The following MAK variants were observed in gnomAD, a reference collection of about 807,000 sequenced individuals.
MAK encodes male germ cell associated kinase.
In MAK, 65 loss-of-function variants were observed where a neutral mutation model predicts 82.6. That is an observed-to-expected ratio of 0.79 (90% CI 0.64 to 0.97). The LOEUF (loss-of-function observed/expected upper bound fraction) is 0.97. Among genes scored for constraint, MAK ranks in the 50% least tolerant of loss-of-function variants. The probability of loss-of-function intolerance (pLI) is 0.00; values close to 1 mark genes in which losing one functional copy is unlikely to be tolerated. For synonymous variants in MAK, 250 were observed against 274.2 expected, an observed-to-expected ratio of 0.91 and a Z score of 0.87; for missense variants, 703 against 780.2, an observed-to-expected ratio of 0.90 and a Z score of 1.18.
At chr6:10,807,347 T>C (rs1024810398) in intron 6 of MAK, among the ~76,000 whole-genome samples, 2 of 143,700 alleles carry the variant, frequency 1.4e-5, no homozygotes, top group African/African-American at 5.2e-5. Context: ...TTTTTTTTTT[T>C]TTTTTTTTTT....
At chr6:10,833,627 TA>T (rs1778968594) in intron 1 of MAK, among the ~76,000 whole-genome samples, 1 of 151,128 alleles carries the variant, frequency 6.6e-6, no homozygotes, top group Non-Finnish European at 1.5e-5. Flanking sequence ...ATAATAATAA[TA>T]ATAATAATAA....
chr6:10,783,631 C>T (rs1774213054), intron 11 of MAK, among the ~76,000 whole-genome samples: 1 of 152,218 alleles, frequency 6.6e-6, no homozygotes, highest in Admixed American at 6.5e-5. Context: ...CATTACCCCA[C>T]CCCATCCGGA....
At chr6:10,815,912 G>GTA (rs3064109) in intron 4 of MAK, among the ~76,000 whole-genome samples, 5,015 of 107,594 alleles carry the variant, frequency 0.047, 190 homozygotes, top group African/African-American at 0.071. Context: ...GCTTTATACA[G>GTA]TATATATATA....
rs1360473911 is a variant in MAK, at chr6:10,800,044, T to C, written c.831+1848A>G. 4.2e-5 allele frequency among the ~76,000 whole-genome samples: 6 copies of C among 141,256 alleles called. No homozygotes were observed. In the South Asian group the frequency reaches 9.1e-4, roughly 21 times the overall value. 92.7% of individuals were successfully genotyped at this position (141,256 alleles called of 152,430 possible). On this transcript the variant is annotated intron_variant, in intron 8 of 14. Transcript: ENST00000354489. The surrounding 1 kb of genome is among the most constrained non-coding windows in gnomAD (Gnocchi z 4.2). ...GCCTGGGCGATGGAGCGAGACTCCG[T>C]TTCAAAAACAAAAACAAAAACAAAA...
At chr6:10,775,296 C>G (rs771809146) in intron 12 of MAK, 32 bp downstream of exon 12, 18 of 1,608,574 alleles carry the variant, frequency 1.1e-5, no homozygotes, top group Non-Finnish European at 1.5e-5. Context: ...AAGGAAAACC[C>G]CGTACATGTA....
chr6:10,792,767 C>T (rs759986839), intron 9 of MAK, among the ~76,000 whole-genome samples: 8 of 152,058 alleles, frequency 5.3e-5, no homozygotes, highest in Non-Finnish European at 8.8e-5. Flanking sequence ...TTGAAGCTGA[C>T]GGTATTACAG....
chr6:10,789,994 A>C (rs1774936671), intron 10 of MAK, among the ~76,000 whole-genome samples: 1 of 152,164 alleles, frequency 6.6e-6, no homozygotes, highest in Non-Finnish European at 1.5e-5. Context: ...GGTAAATGAA[A>C]CCATGGAAGG....
intron 3 of MAK, among the ~76,000 whole-genome samples, chr6:10,818,182 A>G (rs952079616): frequency 1.5e-4 from 23 of 152,354 alleles, no homozygotes; most frequent in Middle Eastern, 3.4e-3. Context: ...GCTATTAAAC[A>G]TTTCAATCTG....
chr6:10,769,186 C>G (rs1447081061), intron 14 of MAK, among the ~76,000 whole-genome samples: 1 of 152,020 alleles, frequency 6.6e-6, no homozygotes, highest in Non-Finnish European at 1.5e-5. Context: ...TGCACTCCAG[C>G]CTGGGTGACA....
intron 3 of MAK, 28 bp downstream of exon 3, chr6:10,818,858 C>G: frequency 2.2e-6 from 3 of 1,357,768 alleles, no homozygotes; most frequent in Non-Finnish European, 3.2e-6. Context: ...AAGGCCTTCT[C>G]AGGTTCTTTT....
At chr6:10,769,081 G>T (rs1041309601) in intron 14 of MAK, among the ~76,000 whole-genome samples, 1 of 152,250 alleles carries the variant, frequency 6.6e-6, no homozygotes, top group East Asian at 1.9e-4. Flanking sequence ...GGGCACGGTC[G>T]TGTGTGCCTG....
intron 10 of MAK, among the ~76,000 whole-genome samples, chr6:10,790,462 C>A (rs1459758043): frequency 6.6e-6 from 1 of 151,838 alleles, no homozygotes; most frequent in Admixed American, 6.6e-5. Flanking sequence ...CAAAACTTAA[C>A]CCATCCTAAC....
chr6:10,802,230 C>T (rs1204288244), intron 7 of MAK, 171 bp from the exon 8 acceptor site: 39 of 589,158 alleles, frequency 6.6e-5, no homozygotes, highest in Middle Eastern at 4.5e-4. Context: ...TTTAGTGCTA[C>T]GACAGTATAG....
intron 6 of MAK, among the ~76,000 whole-genome samples, chr6:10,807,779 A>G (rs1470013520): frequency 6.6e-6 from 1 of 151,620 alleles, no homozygotes; most frequent in Non-Finnish European, 1.5e-5. Flanking sequence ...AAGACATGTT[A>G]TCGGCCGGGC....
rs186871279 is a variant in MAK, at chr6:10,803,899, A to C, written c.492-8T>G. 2 of 1,613,376 alleles carry C rather than the reference A, an allele frequency of 1.2e-6. No individual in the cohort carries two copies. Among genetic ancestry groups the C allele is most frequent in the Non-Finnish European group, 1.7e-6 (2 of 1,179,352 alleles). On this transcript the variant is annotated splice_region_variant and splice_polypyrimidine_tract_variant and intron_variant, in intron 6 of 14. Transcript: ENST00000354489. ...ACTTCAGGGGCACGATACCTATGAA[A>C]ATAGAGAACAAAAGAGGTAATTTTG...
At chr6:10,775,705 T>C (rs1246553102) in intron 11 of MAK, among the ~76,000 whole-genome samples, 2 of 152,230 alleles carry the variant, frequency 1.3e-5, no homozygotes, top group African/African-American at 4.8e-5. Context: ...AATATAATAA[T>C]AACACTTGAT....
Position 10,775,470 on chromosome 6 carries a change from C to G in MAK, c.1466-11G>C, listed in dbSNP as rs202201486. On this transcript the variant is annotated splice_polypyrimidine_tract_variant and intron_variant, in intron 11 of 14. Coordinates refer to ENST00000354489, the MANE Select transcript of MAK (RefSeq NM_001242957.3). ...TCTTGGGATTCACACCTGAGAAGAA[C>G]AAAACAACCACTTCAAAGGTTAGAG... is the stretch of plus-strand genomic sequence containing the variant. 6.2e-7 allele frequency: 1 copy of G among 1,611,542 alleles called. No homozygotes were observed. Among genetic ancestry groups the G allele is most frequent in the Non-Finnish European group, 8.5e-7 (1 of 1,178,428 alleles).
intron 5 of MAK, among the ~76,000 whole-genome samples, chr6:10,810,556 G>T (rs112306882): frequency 6.6e-6 from 1 of 152,016 alleles, no homozygotes; most frequent in South Asian, 2.1e-4. Flanking sequence ...GGCCAGGGTG[G>T]TCTCAAACTT....
Position 10,770,316 on chromosome 6 carries a change from TA to T in MAK, c.1673-87del, listed in dbSNP as rs1581638817. 4.1e-6 allele frequency: 6 copies of T among 1,457,040 alleles called. No homozygotes were observed. The East Asian group carries it at 1.4e-4, about 33-fold the overall frequency. 90.3% of individuals were successfully genotyped at this position (1,457,040 alleles called of 1,614,324 possible). A position where few individuals can be genotyped will look rare whatever the true frequency, so the allele number is the denominator to read the frequency against. ...ACATTGAATACTACCCCATTACTTC[TA>T]AATACTATTTTTCAGCATCTACTAT... On this transcript the variant is annotated intron_variant, in intron 13 of 14. Coordinates refer to ENST00000354489, the MANE Select transcript of MAK (RefSeq NM_001242957.3).
Sources: allele counts gnomAD v4.1 joint callset (sites outside exome capture counted in the v4.1 genomes callset), GRCh38; gene constraint gnomAD v4.1.1; non-coding constraint Gnocchi (gnomAD v3.1); transcripts MANE v1.5; gene names NCBI Gene and HGNC (gene_info 2026-07-23, HGNC 2026-07-21).